SFXN3: variants seen among roughly 807,000 people sequenced by gnomAD.
SFXN3 encodes sideroflexin-3.
Under a neutral mutation model 40.4 loss-of-function variants are expected in SFXN3, and 31 were observed. That is an observed-to-expected ratio of 0.77 (90% CI 0.58 to 1.04). The LOEUF is 1.04. Among genes scored for constraint, SFXN3 ranks in the 50% least tolerant of loss-of-function variants. The probability of loss-of-function intolerance (pLI) is 0.00; values close to 1 mark genes in which losing one functional copy is unlikely to be tolerated. For synonymous variants in SFXN3, 157 were observed against 160.0 expected (o/e 0.98, Z 0.14); for missense variants, 366 against 408.2 (o/e 0.90, Z 0.89).
chr10:101,036,022 T>C lies in SFXN3; in HGVS notation c.352T>C (p.Phe118Leu). 1 of 1,614,116 alleles carries C rather than the reference T, an allele frequency of 6.2e-7. No homozygotes were observed. The change falls in exon 5 of 12, where the codon TTC becomes CTC. Residue 118 changes from phenylalanine (F) to leucine (L), a missense_variant. Phe to Leu is a conservative substitution (Grantham distance 22). Coordinates refer to ENST00000393459, the Ensembl canonical transcript of SFXN3. The surrounding 1 kb of genome is among the most constrained non-coding windows in gnomAD (Gnocchi z 4.2). ...CCTCAGGAAGACCCCAACCGTGGTG[T>C]TCTGGCAGTGGGTGAATCAGTCCTT...
In SFXN3 at chr10:101,036,242, C is replaced by G. The variant is rs529281929; in HGVS notation, c.431+141C>G. The G allele has an allele frequency of 1.3e-6, 1 of 791,022 alleles. No homozygotes were observed. Among genetic ancestry groups the G allele is most frequent in the East Asian group, 2.6e-5 (1 of 37,754 alleles). The allele number at this position is 791,022 out of a possible 1,614,324, so 49.0% of individuals were successfully genotyped here. A position where few individuals can be genotyped will look rare whatever the true frequency, so the allele number is the denominator to read the frequency against. On this transcript the variant is annotated intron_variant, in intron 5 of 11. Transcript: ENST00000393459. The surrounding 1 kb of genome is among the most constrained non-coding windows in gnomAD (Gnocchi z 4.2). ...GCCCTCTCCTCAGCCTGCCCCACCC[C>G]GAATTACCCTGCCTAACTGAAGGCA...
intron 10 of SFXN3, among the ~76,000 whole-genome samples, 175 bp downstream of exon 10, chr10:101,038,867 C>T (rs1036108896): frequency 1.3e-5 from 2 of 152,064 alleles, no homozygotes; most frequent in African/African-American, 4.8e-5. Context: ...GGTCCCTGTC[C>T]TTGAAGGTCA....
Position 101,039,251 on chromosome 10 carries a change from G to A in SFXN3, c.869+29G>A. Reference sequence around the variant, plus strand: ...AGTGCTGTCCCTGGGCTGGGTGGGGGACTCTGGATTGGACTCTGCATCTCT... The same window carrying A: ...AGTGCTGTCCCTGGGCTGGGTGGGGAACTCTGGATTGGACTCTGCATCTCT... On this transcript the variant is annotated intron_variant, in intron 11 of 11. Transcript: ENST00000393459. The surrounding 1 kb of genome is among the most constrained non-coding windows in gnomAD (Gnocchi z 4.6). The A allele has an allele frequency of 6.3e-7, 1 of 1,589,556 alleles. No homozygotes were observed. The highest frequency in any genetic ancestry group is 8.6e-7 in the Non-Finnish European group (1 of 1,165,502).
intron 9 of SFXN3, chr10:101,037,687 C>T (rs2134209613): frequency 7.1e-7 from 1 of 1,414,134 alleles, no homozygotes; most frequent in East Asian, 2.6e-5. Context: ...TTCTGACACA[C>T]AGAAGGGGAC....
In SFXN3 at chr10:101,036,066, C is replaced by G. The variant is rs769013915; in HGVS notation, c.396C>G (p.Tyr132Ter). 3.1e-6 allele frequency: 5 copies of G among 1,614,082 alleles called. No homozygotes were observed. In the Admixed American group the frequency reaches 8.3e-5, roughly 27 times the overall value. The change falls in exon 5 of 12, where the codon TAC (tyrosine) becomes TAG (stop). Residue 132 changes from tyrosine (Y) to a stop codon, truncating the protein, a stop_gained. Transcript: ENST00000393459. LOFTEE classifies it high-confidence loss of function. This position sits in a 1 kb window ranked among gnomAD's most constrained non-coding sequence, Gnocchi z 4.2. Reference sequence around the variant, plus strand: ...AGTCCTTCAATGCCATTGTTAACTACTCCAACCGCAGTGGTGACACTCCCA... The same window carrying G: ...AGTCCTTCAATGCCATTGTTAACTAGTCCAACCGCAGTGGTGACACTCCCA...
intron 1 of SFXN3, 109 bp from the exon 2 acceptor site, chr10:101,032,205 G>C: frequency 2.5e-6 from 1 of 403,628 alleles, no homozygotes; most frequent in Non-Finnish European, 4.4e-6. Flanking sequence ...GCTGGGGAGG[G>C]GGCCAGAACT....
Position 101,034,780 on chromosome 10 carries a change from CT to C in SFXN3, c.87del (p.Val30LeufsTer29). On this transcript the variant is annotated frameshift_variant, in exon 3 of 12. Coordinates refer to ENST00000393459, the Ensembl canonical transcript of SFXN3. LOFTEE classifies it high-confidence loss of function. Reference sequence around the variant, plus strand: ...CTGGGCAGAGCCCGGCACTTTTTCACTGTTACTGATCCTCGAAATCTGCTGC... The same window carrying C: ...CTGGGCAGAGCCCGGCACTTTTTCACGTTACTGATCCTCGAAATCTGCTGC... 1 of 1,614,138 alleles carries C rather than the reference CT, an allele frequency of 6.2e-7. No homozygotes were observed. Among genetic ancestry groups the C allele is most frequent in the Non-Finnish European group, 8.5e-7 (1 of 1,179,966 alleles).
At chr10:101,035,727 G>C in intron 4 of SFXN3, 60 bp downstream of exon 4, 14 of 1,552,244 alleles carry the variant, frequency 9.0e-6, no homozygotes, top group Non-Finnish European at 1.2e-5. Flanking sequence ...GCTTGACTAG[G>C]TGCGCTTCTT....
At chr10:101,032,584 T>C (rs1451042122) in intron 2 of SFXN3, 102 bp downstream of exon 2, 2 of 1,305,440 alleles carry the variant, frequency 1.5e-6, no homozygotes, top group Non-Finnish European at 2.0e-6. Flanking sequence ...TGTCCTCGGC[T>C]CTGTGGAGGT....
At chr10:101,033,796 T>G (rs1183272719) in intron 2 of SFXN3, among the ~76,000 whole-genome samples, 1 of 151,994 alleles carries the variant, frequency 6.6e-6, no homozygotes, top group Non-Finnish European at 1.5e-5. Context: ...GCAAAAAACA[T>G]GTGAGCAAAA....
chr10:101,036,505 G>A lies in SFXN3; in HGVS notation c.451G>A (p.Val151Met), dbSNP rs1938610623. The change falls in exon 6 of 12, where the codon GTG becomes ATG. Residue 151 changes from valine (V) to methionine (M), a missense_variant. Physicochemically the swap from Val to Met is conservative, Grantham distance 21. Coordinates refer to ENST00000393459, the Ensembl canonical transcript of SFXN3. The surrounding 1 kb of genome is among the most constrained non-coding windows in gnomAD (Gnocchi z 4.2). The stretch of plus-strand genomic sequence containing the variant: ...CCACAGGCAGCTGGGGACAGCCTAT[G>A]TGAGTGCCACCACTGGAGCTGTGGC... 2 of 1,614,150 alleles carry A rather than the reference G, an allele frequency of 1.2e-6. No individual in the cohort carries two copies. The highest frequency in any genetic ancestry group is 1.1e-5 in the South Asian group (1 of 91,084).
intron 2 of SFXN3, among the ~76,000 whole-genome samples, chr10:101,033,437 G>C (rs1217103316): frequency 6.6e-6 from 1 of 152,082 alleles, no homozygotes; most frequent in Non-Finnish European, 1.5e-5. Context: ...CCTGTTTCTG[G>C]TCTTCCCTTC....
At chr10:101,037,353 T>C (rs1564650012) in intron 8 of SFXN3, 29 bp from the exon 9 acceptor site, 1 of 1,613,980 alleles carries the variant, frequency 6.2e-7, no homozygotes, top group Non-Finnish European at 8.5e-7. Flanking sequence ...CTACTAATGT[T>C]CTCCTTCTTG....
intron 4 of SFXN3, 96 bp downstream of exon 4, chr10:101,035,763 G>A: frequency 6.8e-7 from 1 of 1,480,498 alleles, no homozygotes; most frequent in Non-Finnish European, 9.1e-7. Context: ...GTGAGTGAAA[G>A]ATTGTGTCAG....
chr10:101,037,493 C>A, intron 9 of SFXN3, 62 bp downstream of exon 9: 1 of 1,613,748 alleles, frequency 6.2e-7, no homozygotes, highest in East Asian at 2.2e-5. Context: ...GACCAGGCCC[C>A]AACTCTCTCT....
In SFXN3 at chr10:101,039,876, AG is replaced by A; in HGVS notation, c.*293del. The A allele has an allele frequency of 2.5e-6, 1 of 392,964 alleles. No homozygotes were observed. The highest frequency in any genetic ancestry group is 4.7e-6 in the Non-Finnish European group (1 of 213,232). 24.3% of individuals were successfully genotyped at this position (392,964 alleles called of 1,614,324 possible). A position where few individuals can be genotyped will look rare whatever the true frequency, so the allele number is the denominator to read the frequency against. On this transcript the variant is annotated 3_prime_UTR_variant, in exon 12 of 12. Coordinates refer to ENST00000393459, the Ensembl canonical transcript of SFXN3. This position sits in a 1 kb window ranked among gnomAD's most constrained non-coding sequence, Gnocchi z 4.6. ...ACATTGGGTCCTGAAAGCTAGAAGC[AG>A]GCATGCTAGCCTAGTATGTTCTGAC... is the stretch of plus-strand genomic sequence containing the variant.
At chr10:101,038,372 A>T (rs747101647) in intron 9 of SFXN3, 17 of 1,352,418 alleles carry the variant, frequency 1.3e-5, no homozygotes, top group South Asian at 5.4e-5. Context: ...GTGAGGGAAG[A>T]AAAAAAAGGG....
chr10:101,039,453 AG>A lies in SFXN3; in HGVS notation c.870-32del. On this transcript the variant is annotated intron_variant, in intron 11 of 11. Coordinates refer to ENST00000393459, the Ensembl canonical transcript of SFXN3. The surrounding 1 kb of genome is among the most constrained non-coding windows in gnomAD (Gnocchi z 4.6). ...CCTGGGCCTGAGTGGGGTTGGATTC[AG>A]GGGACGTTAACTGGCCTGTGCTGTT... 1 of 1,591,328 alleles carries A rather than the reference AG, an allele frequency of 6.3e-7. No individual in the cohort carries two copies. The highest frequency in any genetic ancestry group is 1.3e-5 in the African/African-American group (1 of 74,500).
exon 10 of SFXN3, chr10:101,038,664 C>T: frequency 2.5e-6 from 4 of 1,613,084 alleles, no homozygotes; most frequent in Non-Finnish European, 3.4e-6. Context: ...GCTGGGGGCA[C>T]CCCTGCAGGT....
Sources: allele counts gnomAD v4.1 joint callset (sites outside exome capture counted in the v4.1 genomes callset), GRCh38; gene constraint gnomAD v4.1.1; non-coding constraint Gnocchi (gnomAD v3.1); transcripts MANE v1.5; gene names NCBI Gene and HGNC (gene_info 2026-07-23, HGNC 2026-07-21).